FALEC: variants seen among roughly 807,000 people sequenced by gnomAD.
FALEC encodes focally amplified lncRNA on chromosome 1.
the FALEC span, among the ~76,000 whole-genome samples, chr1:150,533,682 C>T: frequency 2.6e-5 from 4 of 152,014 alleles, no homozygotes; most frequent in Non-Finnish European, 5.9e-5. Context: ...GGTGATCCAC[C>T]AGCCTCATCT....
At chr1:150,529,038 A>AAAAAAAAAAG in the FALEC span, among the ~76,000 whole-genome samples, 1 of 150,930 alleles carries the variant, frequency 6.6e-6, no homozygotes, top group East Asian at 2.0e-4. Context: ...AAAAAAAAAA[A>AAAAAAAAAAG]ATCAAAGGAT....
At chr1:150,526,167 G>A in the FALEC span, among the ~76,000 whole-genome samples, 2 of 151,610 alleles carry the variant, frequency 1.3e-5, no homozygotes, top group East Asian at 3.9e-4. Context: ...TCAAGACCAC[G>A]GTGAAACCCC....
At chr1:150,519,626 G>A (rs1670613564), downstream of FALEC, among the ~76,000 whole-genome samples, 1 of 152,078 alleles carries the variant, frequency 6.6e-6, no homozygotes, top group Non-Finnish European at 1.5e-5. Context: ...GGAGGCTGAG[G>A]TGGATGGATC....
the FALEC span, among the ~76,000 whole-genome samples, chr1:150,528,606 G>A: frequency 1.8e-3 from 272 of 149,564 alleles, 1 homozygote; most frequent in Middle Eastern, 0.01. Context: ...TTTTGAGATG[G>A]AGTCTCACTC....
At chr1:150,532,726 C>T in the FALEC span, among the ~76,000 whole-genome samples, 1 of 151,614 alleles carries the variant, frequency 6.6e-6, no homozygotes. Context: ...CCACTGACTT[C>T]GTGGAGCTCG....
At chr1:150,524,904 G>A in the FALEC span, among the ~76,000 whole-genome samples, 1 of 151,302 alleles carries the variant, frequency 6.6e-6, no homozygotes, top group South Asian at 2.1e-4. Context: ...CTGAACTGAG[G>A]GGATCTCTTG....
chr1:150,531,478 G>GAA, the FALEC span, among the ~76,000 whole-genome samples: 1 of 145,946 alleles, frequency 6.9e-6, no homozygotes, highest in South Asian at 2.2e-4. Flanking sequence ...TCCATCTCAA[G>GAA]AAAAAAAAAA....
At chr1:150,529,016 C>CAAAAAAAAAGAAAAAAA in the FALEC span, among the ~76,000 whole-genome samples, 1 of 59,290 alleles carries the variant, frequency 1.7e-5, no homozygotes, top group African/African-American at 7.7e-5. Flanking sequence ...AAATAAATAG[C>CAAAAAAAAAGAAAAAAA]AAAAAAAAAA....
the FALEC span, among the ~76,000 whole-genome samples, chr1:150,532,520 C>T: frequency 2.5e-4 from 38 of 152,200 alleles, no homozygotes; most frequent in Middle Eastern, 3.4e-3. Flanking sequence ...GGCCGGCCGG[C>T]AATAGAGACA....
downstream of FALEC, among the ~76,000 whole-genome samples, chr1:150,522,115 C>G (rs1245611514): frequency 6.6e-6 from 1 of 151,934 alleles, no homozygotes; most frequent in Non-Finnish European, 1.5e-5. Context: ...GGTGTGGTGG[C>G]CTGTGCCTGT....
At chr1:150,535,144 T>C in the FALEC span, among the ~76,000 whole-genome samples, 6 of 152,188 alleles carry the variant, frequency 3.9e-5, no homozygotes, top group Non-Finnish European at 5.9e-5. Flanking sequence ...GTTGCATAGC[T>C]TCCTCCTGAG....
At chr1:150,519,123 A>C (rs989633815), downstream of FALEC, among the ~76,000 whole-genome samples, 3 of 152,232 alleles carry the variant, frequency 2.0e-5, no homozygotes, top group African/African-American at 7.2e-5. Context: ...ATGGATGGTT[A>C]TAAAATGAAC....
the FALEC span, among the ~76,000 whole-genome samples, chr1:150,526,546 T>TGAGTCTTGCTCCGTTGC: frequency 2.0e-5 from 3 of 151,412 alleles, no homozygotes; most frequent in Admixed American, 2.0e-4. Flanking sequence ...TTTTTGATTC[T>TGAGTCTTGCTCCGTTGC]CCTGCCTCAG....
At chr1:150,536,555 G>T in the FALEC span, among the ~76,000 whole-genome samples, 9 of 152,312 alleles carry the variant, frequency 5.9e-5, no homozygotes, top group East Asian at 1.3e-3. Flanking sequence ...ACTTTGGGAG[G>T]CTGATGCAGA....
chr1:150,523,295 T>C, the FALEC span, among the ~76,000 whole-genome samples: 1 of 150,136 alleles, frequency 6.7e-6, no homozygotes, highest in Non-Finnish European at 1.5e-5. Flanking sequence ...GCCTGGCATA[T>C]ATTATTAAAA....
chr1:150,527,340 C>A, the FALEC span, among the ~76,000 whole-genome samples: 4 of 151,660 alleles, frequency 2.6e-5, no homozygotes, highest in South Asian at 8.3e-4. Flanking sequence ...CTAACTGCAA[C>A]CTCTGCCTCC....
chr1:150,521,690 G>A (rs766093279), downstream of FALEC, among the ~76,000 whole-genome samples: 18 of 152,188 alleles, frequency 1.2e-4, no homozygotes, highest in Non-Finnish European at 2.4e-4. Context: ...GTGTTGAAAA[G>A]ACTGTTATGA....
At chr1:150,517,939 G>C (rs1476520585) in exon 2 of FALEC, 3 of 152,204 alleles carry the variant, frequency 2.0e-5, no homozygotes, top group Non-Finnish European at 4.4e-5. Flanking sequence ...GTATGAATGG[G>C]AGATGAAGAA....
At chr1:150,519,714 G>A (rs1052003515), downstream of FALEC, among the ~76,000 whole-genome samples, 1 of 151,896 alleles carries the variant, frequency 6.6e-6, no homozygotes, top group Non-Finnish European at 1.5e-5. Context: ...AAAATTAGCC[G>A]GGCATGGTGG....
Sources: allele counts gnomAD v4.1 joint callset (sites outside exome capture counted in the v4.1 genomes callset), GRCh38; gene constraint gnomAD v4.1.1; transcripts MANE v1.5; gene names NCBI Gene and HGNC (gene_info 2026-07-23, HGNC 2026-07-21).